Variants in EXT1 observed in about 807,000 individuals in gnomAD.
EXT1 encodes the protein exostosin-1.
Under a neutral mutation model 82.5 loss-of-function variants are expected in EXT1, and 20 were observed. The ratio of observed to expected loss-of-function variants is 0.24; its 90% CI spans 0.17 to 0.35. The LOEUF is 0.35. Ranked by LOEUF, EXT1 falls within the 10% of genes least tolerant of loss-of-function variation. The pLI, the probability that EXT1 is intolerant of heterozygous loss-of-function variation, is 1.00. For missense variants in EXT1, 757 were observed against 936.5 expected, an observed-to-expected ratio of 0.81 and a Z score of 2.50; for synonymous variants, 348 against 350.8, an observed-to-expected ratio of 0.99 and a Z score of 0.09.
intron 1 of EXT1, among the ~76,000 whole-genome samples, chr8:118,072,112 C>A (rs1817104988): frequency 6.6e-6 from 1 of 152,172 alleles, no homozygotes; most frequent in Admixed American, 6.5e-5. Flanking sequence ...AGACTCCCCG[C>A]CTTGGTTCCC....
intron 1 of EXT1, among the ~76,000 whole-genome samples, chr8:117,922,089 T>A (rs1045687996): frequency 6.6e-6 from 1 of 151,946 alleles, no homozygotes; most frequent in Non-Finnish European, 1.5e-5. Flanking sequence ...CAGGAGATAA[T>A]CCACTTTGGT....
At chr8:118,033,465 A>C (rs1816368550) in intron 1 of EXT1, among the ~76,000 whole-genome samples, 1 of 152,182 alleles carries the variant, frequency 6.6e-6, no homozygotes, top group South Asian at 2.1e-4. Context: ...CTAAAGATTC[A>C]GTTTCTTATT....
intron 1 of EXT1, among the ~76,000 whole-genome samples, chr8:118,101,246 A>C (rs1817714226): frequency 6.6e-6 from 1 of 152,208 alleles, no homozygotes; most frequent in Admixed American, 6.5e-5. Context: ...AACCTAGTCC[A>C]GGAACTTTGG....
At chr8:118,035,136 T>C (rs1244136847) in intron 1 of EXT1, among the ~76,000 whole-genome samples, 2 of 152,190 alleles carry the variant, frequency 1.3e-5, no homozygotes, top group Non-Finnish European at 2.9e-5. Flanking sequence ...TAGACATTTT[T>C]TGAATATCAA....
At chr8:117,903,228 G>A (rs567209595) in intron 1 of EXT1, among the ~76,000 whole-genome samples, 187 of 152,280 alleles carry the variant, frequency 1.2e-3, no homozygotes, top group African/African-American at 4.2e-3. Flanking sequence ...CTAAGAAGAC[G>A]AAATAGCAAG....
intron 1 of EXT1, among the ~76,000 whole-genome samples, chr8:118,074,331 A>T (rs906113434): frequency 1.3e-5 from 2 of 152,188 alleles, no homozygotes; most frequent in Admixed American, 6.5e-5. Flanking sequence ...TGCAAAGAGA[A>T]AGGGGCCAGC....
At chr8:118,069,328 C>T (rs1421262867) in intron 1 of EXT1, among the ~76,000 whole-genome samples, 1 of 152,170 alleles carries the variant, frequency 6.6e-6, no homozygotes. Context: ...CTCACTCTAG[C>T]AGTGTGAATC....
chr8:117,815,934 CAAAA>C (rs58788900), intron 7 of EXT1, among the ~76,000 whole-genome samples: 1 of 116,462 alleles, frequency 8.6e-6, no homozygotes, highest in African/African-American at 3.4e-5. Context: ...AACTCTGCCT[CAAAA>C]AAAAAAAAAA....
rs1216929565 is a variant in EXT1, at chr8:117,795,703, A to G, written c.*4009T>C. 3 of 152,112 alleles carry G rather than the reference A, an allele frequency of 2.0e-5. No individual in the cohort carries two copies. The highest frequency in any genetic ancestry group is 4.4e-5 in the Non-Finnish European group (3 of 68,118). 9.4% of individuals were successfully genotyped at this position (152,112 alleles called of 1,614,324 possible). On this transcript the variant is annotated 3_prime_UTR_variant, in exon 11 of 11. Transcript: ENST00000378204. ...TCCCAACTACTAAGCAGGGTGAGGCAGGAGAATTGCTTGAACCGGGGAGGC... is the reference window on the plus strand; with the variant it reads ...TCCCAACTACTAAGCAGGGTGAGGCGGGAGAATTGCTTGAACCGGGGAGGC...
At chr8:118,012,162 C>T (rs752291985) in intron 1 of EXT1, among the ~76,000 whole-genome samples, 41 of 152,220 alleles carry the variant, frequency 2.7e-4, no homozygotes, top group Admixed American at 2.2e-3. Context: ...CCTTCAAAAG[C>T]TCTCGCCAAA....
intron 1 of EXT1, among the ~76,000 whole-genome samples, chr8:118,019,117 G>C (rs1044541470): frequency 9.2e-5 from 14 of 151,970 alleles, no homozygotes; most frequent in African/African-American, 3.4e-4. Context: ...TAAAGGAACA[G>C]GCACAAAATA....
Position 118,025,606 on chromosome 8 carries a change from G to A in EXT1, c.962+84479C>T, listed in dbSNP as rs183975621. Among the ~76,000 whole-genome samples the A allele has an allele frequency of 1.1e-4, 16 of 152,282 alleles. No individual in the cohort carries two copies. In the East Asian group the frequency reaches 2.5e-3, roughly 24 times the overall value. ...AAAGCCCCAGTAAATGCAGGCACAA[G>A]ACTGTAAAAGGAGAGTGAGGAGACT... On this transcript the variant is annotated intron_variant, in intron 1 of 10. Transcript: ENST00000378204.
At chr8:118,057,739 C>T (rs1816817452) in intron 1 of EXT1, among the ~76,000 whole-genome samples, 1 of 151,558 alleles carries the variant, frequency 6.6e-6, no homozygotes, top group Non-Finnish European at 1.5e-5. Context: ...TTTGGGAGGC[C>T]GAGGCGGGAG....
At chr8:118,035,511 G>GAA (rs958077196) in intron 1 of EXT1, among the ~76,000 whole-genome samples, 1 of 149,700 alleles carries the variant, frequency 6.7e-6, no homozygotes, top group Non-Finnish European at 1.5e-5. Context: ...GGAATAAATA[G>GAA]AAAAAAAAAG....
chr8:118,090,473 T>G (rs1817502402), intron 1 of EXT1, among the ~76,000 whole-genome samples: 1 of 151,716 alleles, frequency 6.6e-6, no homozygotes, highest in Non-Finnish European at 1.5e-5. Context: ...GAAGCCACTC[T>G]GTAGAAAACC....
At position 118,091,189 on chromosome 8, in the gene EXT1, C is replaced by A. The variant is rs117659452; in HGVS notation, c.962+18896G>T. 2.8e-4 allele frequency among the ~76,000 whole-genome samples: 43 copies of A among 152,298 alleles called. No individual in the cohort carries two copies. The East Asian group carries it at 7.9e-3, about 28-fold the overall frequency. ...GCCAAGAACCGAGGCCTATCTTAGA[C>A]AATACGATGCAGCTCAAGTTCCATA... On this transcript the variant is annotated intron_variant, in intron 1 of 10. Coordinates refer to ENST00000378204, the MANE Select transcript of EXT1 (RefSeq NM_000127.3).
chr8:117,814,079 G>C (rs1327705744), intron 7 of EXT1, among the ~76,000 whole-genome samples: 1 of 150,016 alleles, frequency 6.7e-6, no homozygotes, highest in Non-Finnish European at 1.5e-5. Flanking sequence ...AGGAGGAGAA[G>C]AAGGAGAAGG....
At chr8:118,041,951 A>C (rs1025076695) in intron 1 of EXT1, among the ~76,000 whole-genome samples, 2 of 148,736 alleles carry the variant, frequency 1.3e-5, no homozygotes, top group Non-Finnish European at 3.0e-5. Context: ...CTGCCTCAGA[A>C]AAAAAAAAAA....
intron 1 of EXT1, among the ~76,000 whole-genome samples, chr8:117,957,557 C>T (rs965496583): frequency 6.6e-6 from 1 of 152,232 alleles, no homozygotes; most frequent in African/African-American, 2.4e-5. Context: ...GAAGTAATCA[C>T]TTTCACTCAC....
Sources: allele counts gnomAD v4.1 joint callset (sites outside exome capture counted in the v4.1 genomes callset), GRCh38; gene constraint gnomAD v4.1.1; transcripts MANE v1.5; gene names NCBI Gene and HGNC (gene_info 2026-07-23, HGNC 2026-07-21).